The following RFX7 variants were observed in gnomAD, a reference collection of about 807,000 sequenced individuals.
RFX7 encodes regulatory factor X7, also known as DNA-binding protein RFX7.
A neutral mutation model predicts 111.8 loss-of-function variants in RFX7; 26 were observed. That is an observed-to-expected ratio of 0.23 (90% CI 0.17 to 0.32). The LOEUF (loss-of-function observed/expected upper bound fraction) is 0.32. Among genes scored for constraint, RFX7 ranks in the 10% least tolerant of loss-of-function variants. RFX7 has a pLI of 1.00. For synonymous variants in RFX7, 624 were observed against 624.4 expected, an observed-to-expected ratio of 1.00 and a Z score of 0.01; for missense variants, 1,573 against 1,772.9, an observed-to-expected ratio of 0.89 and a Z score of 2.02.
intron 2 of RFX7, among the ~76,000 whole-genome samples, chr15:56,184,086 C>G (rs945557984): frequency 6.7e-6 from 1 of 150,058 alleles, no homozygotes; most frequent in East Asian, 2.0e-4. Flanking sequence ...AGTATGCCAT[C>G]GCGGCTCACC....
chr15:56,138,374 CTTCT>C (rs1331904605), intron 5 of RFX7, among the ~76,000 whole-genome samples: 44 of 150,896 alleles, frequency 2.9e-4, no homozygotes, highest in Admixed American at 1.1e-3. Context: ...ATGAAATGGC[CTTCT>C]TTGTCTCTTT....
chr15:56,131,324 G>T (rs1446370473), intron 5 of RFX7, among the ~76,000 whole-genome samples: 3 of 22,124 alleles, frequency 1.4e-4, no homozygotes, highest in African/African-American at 3.8e-4. Context: ...TGTCACCCAG[G>T]TTGGAGTGCA....
intron 5 of RFX7, among the ~76,000 whole-genome samples, chr15:56,131,160 A>T (rs1205884372): frequency 5.3e-5 from 8 of 152,120 alleles, no homozygotes; most frequent in Non-Finnish European, 1.0e-4. Context: ...ATGTAGATGC[A>T]AAGTTCCTAA....
intron 2 of RFX7, among the ~76,000 whole-genome samples, chr15:56,229,287 T>A (rs1451799624): frequency 1.3e-5 from 2 of 152,120 alleles, no homozygotes; most frequent in Non-Finnish European, 2.9e-5. Flanking sequence ...TTTTTTTGAG[T>A]TGGAGTCTCG....
chr15:56,180,912 G>A (rs370425589), intron 2 of RFX7, among the ~76,000 whole-genome samples: 13 of 151,952 alleles, frequency 8.6e-5, no homozygotes, highest in African/African-American at 2.9e-4. Context: ...GCAAGACTCC[G>A]TCTCCAAAAA....
At chr15:56,147,623 G>C (rs377546340) in intron 3 of RFX7, among the ~76,000 whole-genome samples, 11 of 151,930 alleles carry the variant, frequency 7.2e-5, no homozygotes, top group Admixed American at 2.0e-4. Flanking sequence ...GCCCAGGCTG[G>C]AGTGCAGTGG....
In RFX7 at chr15:56,093,678, A is replaced by G. The variant is rs1173209458; in HGVS notation, c.4050T>C (p.Val1350=). ...AGCTGTCTCCACTCAACAGGTCTTT[A>G]ACAGTGCTATTGAAATCTAATTGTT... The part of the protein sequence containing the change: ...GEQQLDFNST[V]KDLLSGDSLQ... The change falls in exon 10 of 10, where the codon GTT becomes GTC. Residue 1350 remains valine, a synonymous_variant. Coordinates refer to ENST00000559447, the MANE Select transcript of RFX7 (RefSeq NM_022841.7). 1.2e-6 allele frequency: 2 copies of G among 1,613,766 alleles called. No individual in the cohort carries two copies. The highest frequency in any genetic ancestry group is 1.7e-6 in the Non-Finnish European group (2 of 1,179,834).
intron 5 of RFX7, among the ~76,000 whole-genome samples, chr15:56,108,905 C>A (rs2041867097): frequency 6.6e-6 from 1 of 152,162 alleles, no homozygotes; most frequent in African/African-American, 2.4e-5. Flanking sequence ...CATCAATAGA[C>A]AAGCAGAGAG....
chr15:56,215,658 C>T (rs2043356570), intron 2 of RFX7, among the ~76,000 whole-genome samples: 1 of 152,120 alleles, frequency 6.6e-6, no homozygotes, highest in Non-Finnish European at 1.5e-5. Flanking sequence ...AAAGGTCATT[C>T]TTATATTCTA....
intron 5 of RFX7, among the ~76,000 whole-genome samples, chr15:56,125,446 T>C (rs1429582557): frequency 6.6e-6 from 1 of 152,208 alleles, no homozygotes; most frequent in African/African-American, 2.4e-5. Context: ...CTGGGTAGTA[T>C]GGTAATTTTA....
intron 3 of RFX7, among the ~76,000 whole-genome samples, chr15:56,147,564 C>A (rs2042496294): frequency 6.6e-6 from 1 of 150,422 alleles, no homozygotes; most frequent in African/African-American, 2.4e-5. Flanking sequence ...TATTTTACTA[C>A]AATAAAAAAT....
intron 3 of RFX7, among the ~76,000 whole-genome samples, chr15:56,171,324 T>C (rs1476543515): frequency 1.3e-5 from 2 of 152,124 alleles, no homozygotes; most frequent in Non-Finnish European, 2.9e-5. Context: ...GAAATTTGCA[T>C]GGCATGGGAC....
intron 3 of RFX7, among the ~76,000 whole-genome samples, chr15:56,171,052 A>C (rs1432785588): frequency 6.6e-6 from 1 of 152,214 alleles, no homozygotes; most frequent in African/African-American, 2.4e-5. Context: ...GAATGTGGAA[A>C]GACTAGAAGC....
At chr15:56,158,357 T>C (rs1350761180) in intron 3 of RFX7, among the ~76,000 whole-genome samples, 1 of 152,210 alleles carries the variant, frequency 6.6e-6, no homozygotes, top group Non-Finnish European at 1.5e-5. Flanking sequence ...TGATAGGTAG[T>C]GTTATGTAAA....
At chr15:56,214,069 G>A (rs896237612) in intron 2 of RFX7, among the ~76,000 whole-genome samples, 2 of 151,938 alleles carry the variant, frequency 1.3e-5, no homozygotes, top group African/African-American at 4.8e-5. Flanking sequence ...TCATGCATGA[G>A]TTTTTTTCTA....
intron 6 of RFX7, among the ~76,000 whole-genome samples, 192 bp from the exon 7 acceptor site, chr15:56,102,445 C>A (rs1278959317): frequency 6.6e-6 from 1 of 152,136 alleles, no homozygotes; most frequent in African/African-American, 2.4e-5. Flanking sequence ...AACTGAAATA[C>A]CCCTTTAGAA....
chr15:56,089,517 C>G lies in RFX7; in HGVS notation c.*3828G>C, dbSNP rs1195800873. 6.6e-6 allele frequency: 1 copy of G among 151,984 alleles called. No individual in the cohort carries two copies. The highest frequency in any genetic ancestry group is 2.4e-5 in the African/African-American group (1 of 41,382). 9.4% of individuals were successfully genotyped at this position (151,984 alleles called of 1,614,324 possible). On this transcript the variant is annotated 3_prime_UTR_variant, in exon 10 of 10. Transcript: ENST00000559447. ...TTCAATTACTTGAAACCAAAATCAC[C>G]TCAGGTGTTACACAGTATTTTCACC... is the stretch of plus-strand genomic sequence containing the variant.
intron 2 of RFX7, among the ~76,000 whole-genome samples, chr15:56,238,892 G>A (rs2043654512): frequency 2.0e-5 from 3 of 152,268 alleles, no homozygotes; most frequent in South Asian, 4.1e-4. Flanking sequence ...GGAGTGCAGT[G>A]GCATGATCTC....
intron 5 of RFX7, among the ~76,000 whole-genome samples, chr15:56,117,635 C>T (rs2042025081): frequency 6.6e-6 from 1 of 152,076 alleles, no homozygotes; most frequent in African/African-American, 2.4e-5. Context: ...ATCCCCATCC[C>T]CTTTCCCAGC....
Sources: allele counts gnomAD v4.1 joint callset (sites outside exome capture counted in the v4.1 genomes callset), GRCh38; gene constraint gnomAD v4.1.1; transcripts MANE v1.5; gene names NCBI Gene and HGNC (gene_info 2026-07-23, HGNC 2026-07-21).